Variants in FGF14 observed in about 807,000 individuals in gnomAD.
FGF14 encodes the protein fibroblast growth factor homologous factor 4.
In FGF14, 5 loss-of-function variants were observed where a neutral mutation model predicts 25.5. The ratio of observed to expected loss-of-function variants is 0.20; its 90% CI spans 0.10 to 0.41. The LOEUF (loss-of-function observed/expected upper bound fraction) is 0.41, where lower values mean the gene tolerates loss of function less well. FGF14 is among the 10% of genes least tolerant of loss of function. The pLI is 1.00. For synonymous variants in FGF14, 138 were observed against 118.3 expected (o/e 1.17, Z -1.08); for missense variants, 222 against 320.1 (o/e 0.69, Z 2.34).
chr13:101,859,886 A>G (rs2044321602), intron 3 of FGF14, among the ~76,000 whole-genome samples: 1 of 152,134 alleles, frequency 6.6e-6, no homozygotes, highest in South Asian at 2.1e-4. Flanking sequence ...GACAAAATGA[A>G]GCTTCAGAGA....
At chr13:102,334,136 T>G (rs2056718597) in intron 1 of FGF14, among the ~76,000 whole-genome samples, 1 of 152,148 alleles carries the variant, frequency 6.6e-6, no homozygotes, top group Admixed American at 6.5e-5. Context: ...ACCGGAAGAC[T>G]CAGCCTGAGT....
chr13:101,984,410 T>TA (rs1015932615), intron 1 of FGF14, among the ~76,000 whole-genome samples: 94 of 152,270 alleles, frequency 6.2e-4, no homozygotes, highest in African/African-American at 2.1e-3. Context: ...AAACTCTCTT[T>TA]AAAAAATCTA....
chr13:101,788,872 CTATA>C (rs56084859), intron 3 of FGF14, among the ~76,000 whole-genome samples: 510 of 26,240 alleles, frequency 0.019, 8 homozygotes, highest in Non-Finnish European at 0.02. Context: ...CCTTTTTTGA[CTATA>C]TATATATATA....
At chr13:101,786,937 A>C (rs2039870910) in intron 3 of FGF14, among the ~76,000 whole-genome samples, 1 of 152,164 alleles carries the variant, frequency 6.6e-6, no homozygotes, top group Non-Finnish European at 1.5e-5. Context: ...TCAACACACA[A>C]GCCAGGGAGG....
intron 3 of FGF14, among the ~76,000 whole-genome samples, chr13:101,786,233 G>A (rs1371885997): frequency 6.6e-6 from 1 of 152,140 alleles, no homozygotes; most frequent in South Asian, 2.1e-4. Flanking sequence ...CTGTCATCAT[G>A]AACTACCTAT....
At chr13:101,780,872 T>C (rs2039446075) in intron 3 of FGF14, among the ~76,000 whole-genome samples, 1 of 151,942 alleles carries the variant, frequency 6.6e-6, no homozygotes, top group Non-Finnish European at 1.5e-5. Context: ...AACTCTAACG[T>C]TCCTCCGAAG....
In FGF14 at chr13:102,321,545, T is replaced by C. The variant is rs368469707; in HGVS notation, c.208+79926A>G. Among the ~76,000 whole-genome samples the C allele has an allele frequency of 1.7e-3, 253 of 152,316 alleles. 2 individuals are homozygous for C. Among genetic ancestry groups the C allele is most frequent in the African/African-American group, 5.6e-3 (233 of 41,574 alleles). On this transcript the variant is annotated intron_variant, in intron 1 of 4. Transcript: ENST00000376131. ...TTGGAAATTTTTGATAAATTCTTGTTAGTGGCTTTTCCATACTCTATTGTT... is the reference window on the plus strand; with the variant it reads ...TTGGAAATTTTTGATAAATTCTTGTCAGTGGCTTTTCCATACTCTATTGTT...
intron 1 of FGF14, chr13:102,367,653 T>G (rs2057753521): frequency 6.6e-6 from 1 of 151,716 alleles, no homozygotes; most frequent in Non-Finnish European, 1.5e-5. Context: ...TAAGATGGAG[T>G]AGAGGGCAAA....
chr13:102,035,777 G>C (rs1234417559), intron 1 of FGF14, among the ~76,000 whole-genome samples: 2 of 152,054 alleles, frequency 1.3e-5, no homozygotes, highest in African/African-American at 4.8e-5. Flanking sequence ...CTCCACCTGT[G>C]TCTCAGGTAA....
chr13:101,884,288 G>A (rs900231126), intron 1 of FGF14, among the ~76,000 whole-genome samples: 14 of 151,976 alleles, frequency 9.2e-5, no homozygotes, highest in African/African-American at 3.1e-4. Flanking sequence ...ACTGACAGAT[G>A]AGAGGAGAGT....
intron 1 of FGF14, among the ~76,000 whole-genome samples, chr13:102,237,773 A>G (rs2051399078): frequency 6.6e-6 from 1 of 152,214 alleles, no homozygotes; most frequent in African/African-American, 2.4e-5. Context: ...TAAATTAACA[A>G]ATAATAATTA....
At position 101,715,742 on chromosome 13, in the gene FGF14, G is replaced by A. The variant is rs1010351771; in HGVS notation, c.*7089C>T. Reference sequence around the variant, plus strand: ...AGGAAACCATGTATATTCACCACTAGGACAGGTTAAAAAGACCATTGTATG... The same window carrying A: ...AGGAAACCATGTATATTCACCACTAAGACAGGTTAAAAAGACCATTGTATG... On this transcript the variant is annotated 3_prime_UTR_variant, in exon 5 of 5. Transcript: ENST00000376143. 12 of 792,066 alleles carry A rather than the reference G, an allele frequency of 1.5e-5. No homozygotes were observed. Among genetic ancestry groups the A allele is most frequent in the African/African-American group, 6.9e-5 (4 of 58,304 alleles). The allele number at this position is 792,066 out of a possible 1,614,324, so 49.1% of individuals were successfully genotyped here. A position where few individuals can be genotyped will look rare whatever the true frequency, so the allele number is the denominator to read the frequency against.
chr13:101,833,965 A>T (rs1008155156), intron 3 of FGF14, among the ~76,000 whole-genome samples: 7 of 152,104 alleles, frequency 4.6e-5, no homozygotes, highest in Admixed American at 1.3e-4. Context: ...CACAAACAAG[A>T]TCATAATCCT....
chr13:101,945,926 T>C (rs903029126), intron 1 of FGF14, among the ~76,000 whole-genome samples: 2 of 152,162 alleles, frequency 1.3e-5, no homozygotes, highest in African/African-American at 4.8e-5. Context: ...GACTGTTTTA[T>C]ACGTGGGTCA....
chr13:102,099,174 G>C (rs146469076), intron 1 of FGF14, among the ~76,000 whole-genome samples: 129 of 152,198 alleles, frequency 8.5e-4, no homozygotes, highest in Non-Finnish European at 1.6e-3. Context: ...ATATTTATAT[G>C]GGCCTAAAAG....
Position 102,080,497 on chromosome 13 carries a change from C to T in FGF14, c.209-205201G>A, listed in dbSNP as rs189229743. On this transcript the variant is annotated intron_variant, in intron 1 of 4. Transcript: ENST00000376131. The stretch of plus-strand genomic sequence containing the variant: ...TCTCACCCTTTGACTGCTGGCTCTC[C>T]TGCTAGCCATTTTCTCCTTTTAAGA... Among the ~76,000 whole-genome samples, 350 of 152,272 alleles carry T rather than the reference C, an allele frequency of 2.3e-3. 1 individual carries two copies. Among genetic ancestry groups the T allele is most frequent in the Non-Finnish European group, 3.8e-3 (259 of 68,020 alleles).
intron 1 of FGF14, among the ~76,000 whole-genome samples, chr13:101,948,461 T>TA (rs1273010031): frequency 7.8e-6 from 1 of 128,086 alleles, no homozygotes; most frequent in Non-Finnish European, 1.5e-5. Context: ...ACTTAAAGTA[T>TA]AATAAAAAAA....
rs376438862 is a variant in FGF14 at position 102,133,473 on chromosome 13, G to GTATA, written c.209-258181_209-258178dup. On this transcript the variant is annotated intron_variant, in intron 1 of 4. Transcript: ENST00000376131. ...GTATGTATATATATTATAGAAGTGT[G>GTATA]TATATGTATCATAGAAGACTAAATA... Among the ~76,000 whole-genome samples the GTATA allele has an allele frequency of 2.0e-3, 304 of 152,274 alleles. 3 individuals are homozygous for GTATA. The highest frequency in any genetic ancestry group is 7.1e-3 in the African/African-American group (293 of 41,558).
rs575523300 is a variant in FGF14 at position 102,313,618 on chromosome 13, A to G, written c.208+87853T>C. 1.5e-3 allele frequency among the ~76,000 whole-genome samples: 224 copies of G among 152,286 alleles called. 1 individual carries two copies. The highest frequency in any genetic ancestry group is 5.0e-3 in the African/African-American group (208 of 41,574). ...AAGGCGTTGGGCAGGGGAGGGGGGT[A>G]AGAGCTCAAAACAGTTCACATTGTT... On this transcript the variant is annotated intron_variant, in intron 1 of 4. Coordinates refer to the FGF14 transcript ENST00000376131.
Sources: allele counts gnomAD v4.1 joint callset (sites outside exome capture counted in the v4.1 genomes callset), GRCh38; gene constraint gnomAD v4.1.1; transcripts MANE v1.5; gene names NCBI Gene and HGNC (gene_info 2026-07-23, HGNC 2026-07-21).